CCSER1: variants seen among roughly 807,000 people sequenced by gnomAD.
CCSER1 encodes coiled-coil serine rich protein 1.
Under a neutral mutation model 82.0 loss-of-function variants are expected in CCSER1, and 41 were observed. The observed-to-expected ratio is 0.50, with a 90% CI of 0.39 to 0.65. The LOEUF is 0.65. Among genes scored for constraint, CCSER1 ranks in the 30% least tolerant of loss-of-function variants. The pLI is 0.00. For missense variants in CCSER1, 1,119 were observed against 1,064.2 expected (o/e 1.05, Z -0.72); for synonymous variants, 414 against 383.9 (o/e 1.08, Z -0.92).
At chr4:90,607,695 G>T (rs1028685889) in intron 5 of CCSER1, among the ~76,000 whole-genome samples, 1 of 152,120 alleles carries the variant, frequency 6.6e-6, no homozygotes, top group Non-Finnish European at 1.5e-5. Flanking sequence ...CATCTGCAAT[G>T]ACTCTTTTCC....
intron 6 of CCSER1, among the ~76,000 whole-genome samples, chr4:90,695,255 G>T (rs12505083): frequency 0.2 from 30,839 of 151,362 alleles, 3,481 homozygotes; most frequent in South Asian, 0.27. Context: ...TGAAAGATCT[G>T]GCATAAATGA....
intron 10 of CCSER1, among the ~76,000 whole-genome samples, chr4:91,565,527 A>G (rs893800466): frequency 6.6e-6 from 1 of 152,120 alleles, no homozygotes; most frequent in African/African-American, 2.4e-5. Flanking sequence ...CTTCCTATTT[A>G]TGACCATGGG....
chr4:91,225,144 A>G (rs765200487), intron 10 of CCSER1, among the ~76,000 whole-genome samples: 5 of 137,004 alleles, frequency 3.6e-5, no homozygotes, highest in Admixed American at 8.0e-5. Context: ...TTACCTGGAA[A>G]CAAGAAATAT....
intron 1 of CCSER1, among the ~76,000 whole-genome samples, chr4:90,152,316 A>G (rs1303956274): frequency 1.3e-5 from 2 of 152,154 alleles, no homozygotes; most frequent in African/African-American, 2.4e-5. Flanking sequence ...TCTGAGAGCT[A>G]CCTTGATTGG....
At chr4:91,237,902 G>A (rs1384428184) in intron 10 of CCSER1, among the ~76,000 whole-genome samples, 3 of 152,160 alleles carry the variant, frequency 2.0e-5, no homozygotes, top group Non-Finnish European at 4.4e-5. Context: ...AGCACTAAAA[G>A]TATTCCAAAA....
intron 3 of CCSER1, among the ~76,000 whole-genome samples, chr4:90,376,209 G>C (rs1218953613): frequency 6.6e-6 from 1 of 152,196 alleles, no homozygotes; most frequent in African/African-American, 2.4e-5. Context: ...TTACTCAGGG[G>C]ATCTTCTTGG....
intron 10 of CCSER1, among the ~76,000 whole-genome samples, chr4:91,537,842 A>G (rs1761377005): frequency 6.6e-6 from 1 of 151,856 alleles, no homozygotes; most frequent in Admixed American, 6.6e-5. Context: ...TATTCATCCT[A>G]TCAAATTAAA....
chr4:90,287,371 C>G (rs1408737276), intron 1 of CCSER1, among the ~76,000 whole-genome samples: 3 of 151,792 alleles, frequency 2.0e-5, no homozygotes, highest in South Asian at 4.2e-4. Context: ...TAGGAGAAAC[C>G]TTAAGTAATT....
chr4:90,470,033 A>T (rs1038616372), intron 5 of CCSER1, among the ~76,000 whole-genome samples: 1 of 152,190 alleles, frequency 6.6e-6, no homozygotes, highest in Non-Finnish European at 1.5e-5. Flanking sequence ...CAGGTTTGGG[A>T]TCTTCAGTCT....
chr4:90,610,251 TCAAA>T (rs993964167), intron 5 of CCSER1, among the ~76,000 whole-genome samples: 2 of 111,148 alleles, frequency 1.8e-5, no homozygotes, highest in African/African-American at 7.4e-5. Flanking sequence ...AGACTCCATC[TCAAA>T]TAAATAAATA....
chr4:90,278,892 T>C (rs1191180862), intron 1 of CCSER1, among the ~76,000 whole-genome samples: 1 of 152,110 alleles, frequency 6.6e-6, no homozygotes, highest in Admixed American at 6.6e-5. Flanking sequence ...TTGCTCTCTT[T>C]CATTGGTTGT....
At chr4:90,824,152 T>C (rs2149797314) in intron 8 of CCSER1, among the ~76,000 whole-genome samples, 1 of 152,168 alleles carries the variant, frequency 6.6e-6, no homozygotes, top group South Asian at 2.1e-4. Flanking sequence ...TTTAAAAACA[T>C]GTATCCCTTT....
At chr4:90,731,339 G>T (rs941056608) in intron 7 of CCSER1, among the ~76,000 whole-genome samples, 2 of 152,174 alleles carry the variant, frequency 1.3e-5, no homozygotes, top group Non-Finnish European at 2.9e-5. Flanking sequence ...TGTGTTAGTA[G>T]TGAGGCAGTA....
chr4:90,892,537 T>G (rs2150118638), intron 8 of CCSER1, among the ~76,000 whole-genome samples: 1 of 152,176 alleles, frequency 6.6e-6, no homozygotes, highest in South Asian at 2.1e-4. Context: ...CATTGTTGGA[T>G]TTTGTTCTCA....
At chr4:90,452,267 C>A (rs1365643194) in intron 4 of CCSER1, among the ~76,000 whole-genome samples, 1 of 152,142 alleles carries the variant, frequency 6.6e-6, no homozygotes, top group Admixed American at 6.5e-5. Context: ...CAGTCCTGTT[C>A]AAGCTCCCCA....
At chr4:91,563,520 T>C (rs1204009373) in intron 10 of CCSER1, among the ~76,000 whole-genome samples, 1 of 130,704 alleles carries the variant, frequency 7.7e-6, no homozygotes, top group East Asian at 2.1e-4. Flanking sequence ...TAGTGTTCCA[T>C]ATCTACACAC....
intron 5 of CCSER1, among the ~76,000 whole-genome samples, chr4:90,624,803 A>G (rs1722975968): frequency 6.6e-6 from 1 of 152,200 alleles, no homozygotes; most frequent in African/African-American, 2.4e-5. Flanking sequence ...CTTAAATTAT[A>G]AAAACTTGGT....
chr4:91,572,542 C>T (rs1210025313), intron 10 of CCSER1, among the ~76,000 whole-genome samples: 2 of 152,146 alleles, frequency 1.3e-5, no homozygotes, highest in Non-Finnish European at 2.9e-5. Context: ...CCTGGTGCTT[C>T]CTCTGAGATT....
At chr4:90,257,032 C>T (rs774822553) in intron 1 of CCSER1, among the ~76,000 whole-genome samples, 43 of 151,666 alleles carry the variant, frequency 2.8e-4, no homozygotes, top group Non-Finnish European at 5.2e-4. Flanking sequence ...GCATCCACTG[C>T]GGGGGGGTCT....
Sources: gnomAD v4.1 joint callset for allele counts (sites outside exome capture counted in the v4.1 genomes callset) on GRCh38, gnomAD v4.1.1 for gene constraint, MANE v1.5 for transcripts, NCBI Gene and HGNC (gene_info 2026-07-23, HGNC 2026-07-21) for gene names.